The following MAP4K4 variants were observed in gnomAD, a reference collection of about 807,000 sequenced individuals.
MAP4K4 encodes mitogen-activated protein kinase kinase kinase kinase 4, also known as HPK/GCK-like kinase HGK.
In MAP4K4, 38 loss-of-function variants were observed where a neutral mutation model predicts 189.6. That is an observed-to-expected ratio of 0.20 (90% CI 0.15 to 0.26). The LOEUF (loss-of-function observed/expected upper bound fraction) is 0.26. MAP4K4 is among the 10% of genes least tolerant of loss of function. The pLI, the probability that MAP4K4 is intolerant of heterozygous loss-of-function variation, is 1.00. For missense variants in MAP4K4, 1,054 were observed against 1,726.9 expected, an observed-to-expected ratio of 0.61 and a Z score of 6.91; for synonymous variants, 610 against 624.3, an observed-to-expected ratio of 0.98 and a Z score of 0.34.
intron 2 of MAP4K4, among the ~76,000 whole-genome samples, chr2:101,716,041 T>A (rs1411838062): frequency 6.6e-6 from 1 of 152,200 alleles, no homozygotes; most frequent in Admixed American, 6.5e-5. Context: ...TGCCACCCCC[T>A]GCCTACCTTC....
chr2:101,859,861 A>G, exon 15 of MAP4K4: 1 of 1,597,322 alleles, frequency 6.3e-7, no homozygotes, highest in Non-Finnish European at 8.5e-7. Context: ...ACCGAGCGCG[A>G]GAGGTATCCT....
intron 32 of MAP4K4, among the ~76,000 whole-genome samples, chr2:101,890,495 C>T (rs1425649757): frequency 3.3e-5 from 5 of 151,976 alleles, no homozygotes; most frequent in African/African-American, 1.2e-4. Context: ...CTTGCTCTGT[C>T]GCCCAGGATG....
rs143649200 is a variant in MAP4K4, at chr2:101,865,959, C to T, written c.2205-469C>T. Among the ~76,000 whole-genome samples, 278 of 152,332 alleles carry T rather than the reference C, an allele frequency of 1.8e-3. 2 individuals carry two copies. The highest frequency in any genetic ancestry group is 6.5e-3 in the African/African-American group (269 of 41,578). On this transcript the variant is annotated intron_variant, in intron 18 of 32. Transcript: ENST00000324219. The stretch of plus-strand genomic sequence containing the variant: ...CCATGGCAGGAAATCCATCCCAGCT[C>T]ATGCTTTCTGTACCGTTTCCAACAG...
intron 28 of MAP4K4, among the ~76,000 whole-genome samples, chr2:101,884,055 G>T (rs2098447265): frequency 6.6e-6 from 1 of 152,110 alleles, no homozygotes; most frequent in Non-Finnish European, 1.5e-5. Context: ...GAGGCAGACG[G>T]GTTAAAAGTC....
chr2:101,868,030 G>A (rs750470583), exon 21 of MAP4K4: 1 of 1,612,876 alleles, frequency 6.2e-7, no homozygotes, highest in South Asian at 1.1e-5. Flanking sequence ...GTACTGAAGG[G>A]CGAAGTGGTA....
At chr2:101,803,245 A>ATGTGTGTGTGTG (rs6146862) in intron 3 of MAP4K4, among the ~76,000 whole-genome samples, 14,065 of 150,250 alleles carry the variant, frequency 0.094, 933 homozygotes, top group Non-Finnish European at 0.12. Context: ...GATGATGATG[A>ATGTGTGTGTGTG]TGTGTGTGTG....
chr2:101,894,057 G>C (rs1449497871), exon 33 of MAP4K4: 1 of 152,298 alleles, frequency 6.6e-6, no homozygotes, highest in Non-Finnish European at 1.5e-5. Context: ...AAGTTTCTCC[G>C]TTAAAGATTG....
chr2:101,765,736 C>G (rs1304330893), intron 2 of MAP4K4, among the ~76,000 whole-genome samples: 2 of 152,096 alleles, frequency 1.3e-5, no homozygotes, highest in Admixed American at 6.5e-5. Flanking sequence ...AGTGTTGAAT[C>G]TAGGTATTAA....
At chr2:101,813,505 G>A (rs1049754153) in intron 3 of MAP4K4, among the ~76,000 whole-genome samples, 3 of 152,158 alleles carry the variant, frequency 2.0e-5, no homozygotes, top group African/African-American at 4.8e-5. Flanking sequence ...AAGATCATTG[G>A]TTGTCTTCTC....
chr2:101,842,394 A>C (rs568901633), intron 10 of MAP4K4, among the ~76,000 whole-genome samples: 1 of 152,302 alleles, frequency 6.6e-6, no homozygotes, highest in Non-Finnish European at 1.5e-5. Flanking sequence ...CCGTGGAATC[A>C]GCTTTTCTGT....
chr2:101,859,855 A>C (rs745885799), exon 15 of MAP4K4: 1 of 1,601,360 alleles, frequency 6.2e-7, no homozygotes, highest in African/African-American at 1.3e-5. Flanking sequence ...CTGCTGACCG[A>C]GCGCGAGAGG....
intron 2 of MAP4K4, among the ~76,000 whole-genome samples, chr2:101,770,529 G>A (rs1051363911): frequency 6.6e-6 from 1 of 152,116 alleles, no homozygotes; most frequent in African/African-American, 2.4e-5. Context: ...CACCCACATC[G>A]GCCTCCCAAA....
intron 16 of MAP4K4, among the ~76,000 whole-genome samples, chr2:101,862,716 G>T (rs866227526): frequency 2.6e-5 from 4 of 152,100 alleles, no homozygotes; most frequent in Non-Finnish European, 4.4e-5. Flanking sequence ...ACTCATTTTT[G>T]ATTATAATTT....
chr2:101,761,627 C>G (rs763525605), intron 2 of MAP4K4, among the ~76,000 whole-genome samples: 1 of 150,510 alleles, frequency 6.6e-6, no homozygotes, highest in African/African-American at 2.5e-5. Flanking sequence ...GGCATGATCT[C>G]GGATCACTGC....
chr2:101,729,101 A>AGTGTGTGTGTGTGT (rs57635166), intron 2 of MAP4K4, among the ~76,000 whole-genome samples: 7,602 of 130,452 alleles, frequency 0.058, 334 homozygotes, highest in East Asian at 0.17. Flanking sequence ...AGAGAGAGAG[A>AGTGTGTGTGTGTGT]GTGTGTGTGT....
At chr2:101,847,088 A>G (rs559220529) in intron 12 of MAP4K4, among the ~76,000 whole-genome samples, 11 of 152,344 alleles carry the variant, frequency 7.2e-5, no homozygotes, top group African/African-American at 2.4e-4. Flanking sequence ...TGGTGGTCCC[A>G]TAAGATTATC....
intron 2 of MAP4K4, among the ~76,000 whole-genome samples, chr2:101,713,262 A>G (rs901262804): frequency 2.0e-5 from 3 of 152,096 alleles, no homozygotes; most frequent in African/African-American, 7.2e-5. Context: ...GTACTTTGCT[A>G]TGCCAGTGTT....
At chr2:101,815,138 T>C (rs535990602) in intron 3 of MAP4K4, among the ~76,000 whole-genome samples, 1 of 152,358 alleles carries the variant, frequency 6.6e-6, no homozygotes, top group East Asian at 1.9e-4. Context: ...GGATCAAAAG[T>C]AAGTTGATTT....
At chr2:101,892,546 A>C in exon 33 of MAP4K4, 1 of 250,068 alleles carries the variant, frequency 4.0e-6, no homozygotes. Flanking sequence ...ATAGTCACAC[A>C]AACTGTTCAG....
Sources: allele counts gnomAD v4.1 joint callset (sites outside exome capture counted in the v4.1 genomes callset), GRCh38; gene constraint gnomAD v4.1.1; transcripts MANE v1.5; gene names NCBI Gene and HGNC (gene_info 2026-07-23, HGNC 2026-07-21).